L2HGDH: variants seen among roughly 807,000 people sequenced by gnomAD.
L2HGDH encodes L-2-hydroxyglutarate dehydrogenase, mitochondrial.
In L2HGDH, 34 loss-of-function variants were observed where a neutral mutation model predicts 51.5. That is an observed-to-expected ratio of 0.66 (90% CI 0.50 to 0.88). L2HGDH has a LOEUF of 0.88. Among genes scored for constraint, L2HGDH ranks in the 40% least tolerant of loss-of-function variants. The probability of loss-of-function intolerance (pLI) is 0.00; values close to 1 mark genes in which losing one functional copy is unlikely to be tolerated. For missense variants in L2HGDH, 558 were observed against 571.9 expected (o/e 0.98, Z 0.25); for synonymous variants, 198 against 197.9 (o/e 1.00, Z -0.01).
intron 5 of L2HGDH, among the ~76,000 whole-genome samples, chr14:50,278,772 T>C (rs1325240486): frequency 6.6e-6 from 1 of 152,240 alleles, no homozygotes; most frequent in Non-Finnish European, 1.5e-5. Context: ...TTAATTCACC[T>C]AATCTATGCT....
intron 9 of L2HGDH, 111 bp downstream of exon 9, chr14:50,265,247 T>C: frequency 2.3e-6 from 2 of 887,944 alleles, no homozygotes; most frequent in Non-Finnish European, 3.6e-6. Context: ...AAAAATTCAG[T>C]GCATATGCAG....
chr14:50,242,884 TCCTTAAAC>T lies in L2HGDH; in HGVS notation c.*4166_*4173del. The T allele has an allele frequency of 1.0e-6, 1 of 985,438 alleles. No homozygotes were observed. Among genetic ancestry groups the T allele is most frequent in the Non-Finnish European group, 1.2e-6 (1 of 829,936 alleles). 61.0% of individuals were successfully genotyped at this position (985,438 alleles called of 1,614,324 possible). A position where few individuals can be genotyped will look rare whatever the true frequency, so the allele number is the denominator to read the frequency against. On this transcript the variant is annotated 3_prime_UTR_variant, in exon 10 of 10. Transcript: ENST00000267436. The stretch of plus-strand genomic sequence containing the variant: ...TAAGGGCCCAGGAGGGCAGAGCCAG[TCCTTAAAC>T]AATATAGACACCATGTCTCCTGTGT...
intron 9 of L2HGDH, among the ~76,000 whole-genome samples, chr14:50,260,394 G>C (rs1358762791): frequency 6.6e-6 from 1 of 152,090 alleles, no homozygotes; most frequent in Non-Finnish European, 1.5e-5. Flanking sequence ...GTTCTGACTG[G>C]TGGATATGGT....
At chr14:50,308,216 C>A (rs2030843053) in intron 1 of L2HGDH, among the ~76,000 whole-genome samples, 1 of 152,126 alleles carries the variant, frequency 6.6e-6, no homozygotes, top group African/African-American at 2.4e-5. Context: ...CATGGAGAAA[C>A]CCCATCTCTA....
intron 3 of L2HGDH, among the ~76,000 whole-genome samples, chr14:50,295,736 T>TC (rs997726648): frequency 4.0e-5 from 6 of 148,714 alleles, no homozygotes; most frequent in African/African-American, 1.5e-4. Context: ...AATTTTTTTT[T>TC]CATAGCATCT....
At chr14:50,262,749 C>G (rs1346178075) in intron 9 of L2HGDH, among the ~76,000 whole-genome samples, 1 of 152,080 alleles carries the variant, frequency 6.6e-6, no homozygotes, top group South Asian at 2.1e-4. Flanking sequence ...TCAAACGTAT[C>G]TTCCCCCGAG....
chr14:50,242,556 T>G lies in L2HGDH; in HGVS notation c.*4502A>C. On this transcript the variant is annotated 3_prime_UTR_variant, in exon 10 of 10. Transcript: ENST00000267436. ...AGGATTTGAGGCCAGAAAAGTAGAGTTGGTTGGTATCAACACTGTTCTTCC... is the reference window on the plus strand; with the variant it reads ...AGGATTTGAGGCCAGAAAAGTAGAGGTGGTTGGTATCAACACTGTTCTTCC... 1 of 984,826 alleles carries G rather than the reference T, an allele frequency of 1.0e-6. No individual in the cohort carries two copies. The highest frequency in any genetic ancestry group is 1.2e-6 in the Non-Finnish European group (1 of 829,522). 61.0% of individuals were successfully genotyped at this position (984,826 alleles called of 1,614,324 possible). A position where few individuals can be genotyped will look rare whatever the true frequency, so the allele number is the denominator to read the frequency against.
chr14:50,301,974 A>C lies in L2HGDH; in HGVS notation c.408+43T>G, dbSNP rs2030435272. ...TGTAATATTAAACATCACTAAGCAA[A>C]TGCTAGTTGGAAATTAGTCAAGGCT... On this transcript the variant is annotated intron_variant, in intron 3 of 9. Transcript: ENST00000267436. The C allele has an allele frequency of 3.8e-6, 6 of 1,598,594 alleles. No homozygotes were observed. The South Asian group carries it at 4.4e-5, about 12-fold the overall frequency.
At chr14:50,269,053 CG>C (rs1889513944) in intron 7 of L2HGDH, 109 bp downstream of exon 7, 3 of 785,996 alleles carry the variant, frequency 3.8e-6, no homozygotes, top group Admixed American at 2.0e-5. Context: ...CTTACAAAAA[CG>C]GTCCTTCAAA....
rs1595053763 is a variant in L2HGDH, at chr14:50,245,391, G to A, written c.*1667C>T. The stretch of plus-strand genomic sequence containing the variant: ...TCTCAGCCACAGAGATTGAAGAACA[G>A]GACAACCACTCAGTGTACCACTGTT... On this transcript the variant is annotated 3_prime_UTR_variant, in exon 10 of 10. Transcript: ENST00000267436. 1.0e-6 allele frequency: 1 copy of A among 985,376 alleles called. No homozygotes were observed. Among genetic ancestry groups the A allele is most frequent in the East Asian group, 1.1e-4 (1 of 8,820 alleles). The allele number at this position is 985,376 out of a possible 1,614,324, so 61.0% of individuals were successfully genotyped here. A position where few individuals can be genotyped will look rare whatever the true frequency, so the allele number is the denominator to read the frequency against.
intron 6 of L2HGDH, 26 bp from the exon 7 acceptor site, chr14:50,269,356 T>C (rs767939192): frequency 1.9e-5 from 30 of 1,610,820 alleles, no homozygotes; most frequent in Middle Eastern, 1.6e-4. Flanking sequence ...AGAACAGTTA[T>C]TTGTATAAAG....
rs1268509002 is a variant in L2HGDH at position 50,310,972 on chromosome 14, C to T, written c.140+1039G>A. On this transcript the variant is annotated intron_variant, in intron 1 of 9. Coordinates refer to ENST00000267436, the MANE Select transcript of L2HGDH (RefSeq NM_024884.3). ...TTTTTTTTTTTTTGCGAGACAGAGT[C>T]TTGCTCTGTCGCCCAGGCTGGAGTG... Among the ~76,000 whole-genome samples, 3 of 105,650 alleles carry T rather than the reference C, an allele frequency of 2.8e-5. No homozygotes were observed. The Admixed American group carries it at 4.5e-4, about 16-fold the overall frequency. The allele number at this position is 105,650 out of a possible 152,430, so 69.3% of individuals were successfully genotyped here.
At chr14:50,276,301 T>C (rs1306325485) in intron 6 of L2HGDH, among the ~76,000 whole-genome samples, 2 of 152,178 alleles carry the variant, frequency 1.3e-5, no homozygotes, top group South Asian at 2.1e-4. Flanking sequence ...ATGAAATGCA[T>C]AGTAGGGGAA....
intron 3 of L2HGDH, among the ~76,000 whole-genome samples, chr14:50,296,522 T>C (rs933527362): frequency 5.3e-5 from 8 of 150,488 alleles, no homozygotes; most frequent in Admixed American, 6.6e-5. Context: ...AGACACAAAC[T>C]TCTGAAACGG....
intron 9 of L2HGDH, among the ~76,000 whole-genome samples, chr14:50,247,899 T>A (rs139340894): frequency 3.3e-5 from 5 of 152,296 alleles, no homozygotes; most frequent in African/African-American, 1.2e-4. Context: ...AGAGTCTTTT[T>A]TTTTTTAATT....
At chr14:50,274,602 CAT>C (rs1247798225) in intron 6 of L2HGDH, among the ~76,000 whole-genome samples, 7 of 152,014 alleles carry the variant, frequency 4.6e-5, no homozygotes, top group Non-Finnish European at 1.0e-4. Flanking sequence ...ATAGAACTAC[CAT>C]ATGATTTCCT....
At chr14:50,277,510 T>C (rs1018231490) in intron 6 of L2HGDH, among the ~76,000 whole-genome samples, 19 of 151,922 alleles carry the variant, frequency 1.3e-4, no homozygotes, top group African/African-American at 4.1e-4. Context: ...GCGTGGTAGC[T>C]CACACCTGTA....
intron 9 of L2HGDH, among the ~76,000 whole-genome samples, chr14:50,254,851 C>T (rs1888567416): frequency 1.3e-5 from 2 of 151,480 alleles, no homozygotes; most frequent in South Asian, 4.2e-4. Flanking sequence ...CCAGCCTGGG[C>T]AACATGGTGA....
At position 50,285,210 on chromosome 14, in the gene L2HGDH, G is replaced by A. The variant is rs367970971; in HGVS notation, c.541-1177C>T. On this transcript the variant is annotated intron_variant, in intron 4 of 9. Transcript: ENST00000267436. ...TGCAGTGAGCCGAGATGATGCCACT[G>A]CGCTCCAGCCTGGGCAACAGAGTGA... is the stretch of plus-strand genomic sequence containing the variant. 5.3e-5 allele frequency among the ~76,000 whole-genome samples: 8 copies of A among 152,340 alleles called. 1 individual carries two copies. Among genetic ancestry groups the A allele is most frequent in the African/African-American group, 1.9e-4 (8 of 41,580 alleles).
Sources: allele counts gnomAD v4.1 joint callset (sites outside exome capture counted in the v4.1 genomes callset), GRCh38; gene constraint gnomAD v4.1.1; transcripts MANE v1.5; gene names NCBI Gene and HGNC (gene_info 2026-07-23, HGNC 2026-07-21).